The following HORMAD1 variants were observed in gnomAD, a reference collection of about 807,000 sequenced individuals.
HORMAD1 encodes the protein HORMA domain containing 1.
Under a neutral mutation model 58.2 loss-of-function variants are expected in HORMAD1, and 33 were observed. The ratio of observed to expected loss-of-function variants is 0.57; its 90% CI spans 0.43 to 0.76. The LOEUF (loss-of-function observed/expected upper bound fraction) is 0.76. HORMAD1 is among the 30% of genes least tolerant of loss of function. The pLI is 0.00. For missense variants in HORMAD1, 363 were observed against 462.0 expected, an observed-to-expected ratio of 0.79 and a Z score of 1.96; for synonymous variants, 137 against 144.6, an observed-to-expected ratio of 0.95 and a Z score of 0.38.
chr1:150,714,235 A>T (rs1651995399), intron 4 of HORMAD1, 114 bp from the exon 5 acceptor site: 2 of 621,854 alleles, frequency 3.2e-6, no homozygotes, highest in Non-Finnish European at 5.6e-6. Context: ...GTCTTATTAA[A>T]GCTCCCTTCT....
chr1:150,710,949 T>G (rs988700411), intron 7 of HORMAD1, among the ~76,000 whole-genome samples: 2 of 152,156 alleles, frequency 1.3e-5, no homozygotes, highest in African/African-American at 2.4e-5. Context: ...CCCTTGTACT[T>G]AGATTTCCTC....
At chr1:150,720,373 T>G (rs1440579000) in intron 1 of HORMAD1, among the ~76,000 whole-genome samples, 1 of 152,188 alleles carries the variant, frequency 6.6e-6, no homozygotes, top group Non-Finnish European at 1.5e-5. Context: ...TAATTTTTTT[T>G]TCTATTTTTA....
chr1:150,711,538 C>T lies in HORMAD1; in HGVS notation c.327+7G>A, dbSNP rs770590599. The stretch of plus-strand genomic sequence containing the variant: ...TTATGTTTCTTTAGTAACTCAAGCA[C>T]ACTTACCTGAGGATCTTCTGGGTTT... On this transcript the variant is annotated splice_region_variant and intron_variant, in intron 7 of 14. Coordinates refer to ENST00000361824, the MANE Select transcript of HORMAD1 (RefSeq NM_032132.5). The T allele has an allele frequency of 6.3e-7, 1 of 1,593,982 alleles. No individual in the cohort carries two copies. Among genetic ancestry groups the T allele is most frequent in the Non-Finnish European group, 8.6e-7 (1 of 1,162,324 alleles).
chr1:150,699,804 T>C (rs906247615), intron 14 of HORMAD1, among the ~76,000 whole-genome samples: 2 of 151,984 alleles, frequency 1.3e-5, no homozygotes, highest in Non-Finnish European at 2.9e-5. Context: ...AGTGCTGGGA[T>C]TACAGGCATG....
In HORMAD1 at chr1:150,708,420, C is replaced by T; in HGVS notation, c.396-13G>A. On this transcript the variant is annotated splice_polypyrimidine_tract_variant and intron_variant, in intron 8 of 14. Coordinates refer to ENST00000361824, the MANE Select transcript of HORMAD1 (RefSeq NM_032132.5). ...GCTTTGGTTTTTACTAGAAGAGAAT[C>T]ACATATTAATTTATTTTATAAAACC... 6.5e-7 allele frequency: 1 copy of T among 1,540,136 alleles called. No homozygotes were observed. Among genetic ancestry groups the T allele is most frequent in the South Asian group, 1.2e-5 (1 of 82,230 alleles).
chr1:150,717,077 G>T, intron 3 of HORMAD1, 61 bp downstream of exon 3: 1 of 1,085,418 alleles, frequency 9.2e-7, no homozygotes, highest in Non-Finnish European at 1.3e-6. Context: ...TTATAGTTTT[G>T]GAGCAAGCAA....
rs1651621758 is a variant in HORMAD1 at position 150,704,345 on chromosome 1, T to C, written c.805-2A>G. 1.3e-6 allele frequency: 2 copies of C among 1,548,700 alleles called. No homozygotes were observed. The highest frequency in any genetic ancestry group is 2.1e-5 in the Admixed American group (1 of 47,990). On this transcript the variant is annotated splice_acceptor_variant, in intron 10 of 14. Transcript: ENST00000361824. LOFTEE classifies it high-confidence loss of function. The stretch of plus-strand genomic sequence containing the variant: ...TTTAGTTTCAATGTCCAAATCATCC[T>C]ACATAATTATGTGAAGAAAAAAATT...
chr1:150,708,456 AATATC>A, intron 8 of HORMAD1, 49 bp from the exon 9 acceptor site: 2 of 1,238,068 alleles, frequency 1.6e-6, no homozygotes, highest in Non-Finnish European at 2.3e-6. Context: ...TGTGGCTTCT[AATATC>A]ATAACTTTAC....
intron 5 of HORMAD1, 54 bp downstream of exon 5, chr1:150,714,031 A>T: frequency 9.0e-7 from 1 of 1,108,768 alleles, no homozygotes; most frequent in East Asian, 2.4e-5. Flanking sequence ...CTCCAGTTAT[A>T]TTTGTAGATC....
intron 12 of HORMAD1, among the ~76,000 whole-genome samples, 193 bp downstream of exon 12, chr1:150,703,925 A>G (rs1651608139): frequency 6.6e-6 from 1 of 152,190 alleles, no homozygotes. Context: ...GTTTATTACT[A>G]AACAAATCCA....
At position 150,717,211 on chromosome 1, in the gene HORMAD1, T is replaced by G; in HGVS notation, c.105A>C (p.Ala35=). 2 of 1,597,394 alleles carry G rather than the reference T, an allele frequency of 1.3e-6. No individual in the cohort carries two copies. The highest frequency in any genetic ancestry group is 1.7e-6 in the Non-Finnish European group (2 of 1,168,168). ...QSLVLVKRLL[A]VSVSCITYLR... Reference sequence around the variant, plus strand: ...AATACGTGATACAGGATACTGAAACTGCTAGAAGCCTCTTCACTAACACCA... The same window carrying G: ...AATACGTGATACAGGATACTGAAACGGCTAGAAGCCTCTTCACTAACACCA... The change falls in exon 3 of 15, where the codon GCA becomes GCC. Residue 35 remains alanine (A), a synonymous_variant. Coordinates refer to ENST00000361824, the MANE Select transcript of HORMAD1 (RefSeq NM_032132.5).
At chr1:150,708,803 A>G in intron 8 of HORMAD1, 91 bp downstream of exon 8, 1 of 696,224 alleles carries the variant, frequency 1.4e-6, no homozygotes, top group Admixed American at 2.6e-5. Context: ...ATGTCCCCGC[A>G]GTTTCAGAAT....
At chr1:150,719,364 C>A in intron 2 of HORMAD1, 109 bp downstream of exon 2, 1 of 701,376 alleles carries the variant, frequency 1.4e-6, no homozygotes. Flanking sequence ...TTCCTGGTAT[C>A]ATAAAACCCT....
chr1:150,717,551 T>G (rs183091844), intron 2 of HORMAD1, among the ~76,000 whole-genome samples: 1 of 152,256 alleles, frequency 6.6e-6, no homozygotes, highest in Admixed American at 6.5e-5. Flanking sequence ...AGGATCTCAC[T>G]GTATTGCCCA....
intron 7 of HORMAD1, among the ~76,000 whole-genome samples, chr1:150,709,827 C>T (rs926636868): frequency 1.9e-4 from 29 of 152,306 alleles, no homozygotes; most frequent in Middle Eastern, 3.4e-3. Flanking sequence ...TGCAGCAATG[C>T]TGCCTTGTTA....
At position 150,698,328 on chromosome 1, in the gene HORMAD1, C is replaced by T. The variant is rs1651429605; in HGVS notation, c.*326G>A. 6.1e-6 allele frequency: 1 copy of T among 164,390 alleles called. No individual in the cohort carries two copies. The allele number at this position is 164,390 out of a possible 1,614,324, so 10.2% of individuals were successfully genotyped here. A position where few individuals can be genotyped will look rare whatever the true frequency, so the allele number is the denominator to read the frequency against. On this transcript the variant is annotated 3_prime_UTR_variant, in exon 15 of 15. Coordinates refer to ENST00000361824, the MANE Select transcript of HORMAD1 (RefSeq NM_032132.5). ...AATTTTAATACCAAAGTAAACATTA[C>T]TGTTTAGAAAAATGGCATTAGAGGG...
At chr1:150,715,709 G>C (rs938875401) in intron 3 of HORMAD1, among the ~76,000 whole-genome samples, 1 of 151,852 alleles carries the variant, frequency 6.6e-6, no homozygotes, top group East Asian at 1.9e-4. Context: ...GATTACAGAC[G>C]TGAGCTTCCA....
chr1:150,702,471 C>G (rs897121524), intron 13 of HORMAD1, among the ~76,000 whole-genome samples: 3 of 152,110 alleles, frequency 2.0e-5, no homozygotes, highest in Non-Finnish European at 4.4e-5. Flanking sequence ...ATACATGCAC[C>G]TGTATGTTCA....
chr1:150,720,218 C>A (rs1652208029), intron 1 of HORMAD1, among the ~76,000 whole-genome samples: 1 of 152,236 alleles, frequency 6.6e-6, no homozygotes, highest in Non-Finnish European at 1.5e-5. Flanking sequence ...GGACTCCAGG[C>A]GTGCCACCAC....
Sources: allele counts gnomAD v4.1 joint callset (sites outside exome capture counted in the v4.1 genomes callset), GRCh38; gene constraint gnomAD v4.1.1; transcripts MANE v1.5; gene names NCBI Gene and HGNC (gene_info 2026-07-23, HGNC 2026-07-21).